The following GFAP variants were observed in gnomAD, a reference collection of about 807,000 sequenced individuals.
The protein encoded by GFAP is glial fibrillary acidic protein.
A neutral mutation model predicts 49.3 loss-of-function variants in GFAP; 38 were observed. The ratio of observed to expected loss-of-function variants is 0.77; its 90% CI spans 0.60 to 1.01. GFAP has a LOEUF of 1.01. Ranked by LOEUF, GFAP falls within the 50% of genes least tolerant of loss-of-function variation. The pLI is 0.00. For synonymous variants in GFAP, 222 were observed against 236.4 expected (o/e 0.94, Z 0.56); for missense variants, 463 against 579.1 (o/e 0.80, Z 2.06).
rs1354262031 is a variant in GFAP, at chr17:44,903,645, G to A, written c.*3702C>T. ...GTCTGGAATGTTAGAAGGGCATCTT[G>A]TACATCCACTGGGAATAAATTGCCT... On this transcript the variant is annotated 3_prime_UTR_variant, in exon 9 of 9. Transcript: ENST00000588735. 3 of 1,432,944 alleles carry A rather than the reference G, an allele frequency of 2.1e-6. No homozygotes were observed. Among genetic ancestry groups the A allele is most frequent in the East Asian group, 2.5e-5 (1 of 39,916 alleles). 88.8% of individuals were successfully genotyped at this position (1,432,944 alleles called of 1,614,324 possible).
rs773808836 is a variant in GFAP, at chr17:44,911,342, C to A, written c.1021G>T (p.Glu341Ter). 1.2e-6 allele frequency: 2 copies of A among 1,614,188 alleles called. No individual in the cohort carries two copies. The highest frequency in any genetic ancestry group is 2.2e-5 in the East Asian group (1 of 44,886). Residue 341 changes from glutamate (E) to a stop codon, truncating the protein, a stop_gained, in exon 6 of 9, where the codon GAG (glutamate) becomes TAG (stop). Coordinates refer to ENST00000588735, the MANE Select transcript of GFAP (RefSeq NM_002055.5). LOFTEE classifies it high-confidence loss of function. ...TACTCCTGCAAGTGGCGGGCCATCT[C>A]GTCCTTGAGGCTCTGCCCCTCTTCC... Reference protein sequence around the residue: ...LEEEGQSLKDEMARHLQEYQD... With the variant: ...LEEEGQSLKD
Position 44,913,810 on chromosome 17 carries a change from G to T in GFAP, c.536C>A (p.Ala179Asp), listed in dbSNP as rs763977401. The T allele has an allele frequency of 2.5e-6, 4 of 1,613,760 alleles. No homozygotes were observed. Among genetic ancestry groups the T allele is most frequent in the Non-Finnish European group, 1.7e-6 (2 of 1,179,740 alleles). The change falls in exon 3 of 9, where the codon GCC becomes GAC. Residue 179 changes from alanine (A) to aspartate (D), a missense_variant. This residue lies in a region of GFAP where 362 missense variants were observed against 445.5 expected (regional missense o/e 0.81). Coordinates refer to ENST00000588735, the MANE Select transcript of GFAP (RefSeq NM_002055.5). ...LAAYRQEADE[A>D]TLARLDLERK... ...CTCCAGATCCAGACGGGCCAGGGTG[G>T]CTTCATCTGCTTCCTGGAGTGGCAG...
rs774991537 is a variant in GFAP, at chr17:44,910,695, C to T, written c.1128-37G>A. 4.5e-6 allele frequency: 7 copies of T among 1,571,602 alleles called. No homozygotes were observed. In the South Asian group the frequency reaches 8.2e-5, roughly 18 times the overall value. On this transcript the variant is annotated intron_variant, in intron 6 of 8. Coordinates refer to ENST00000588735, the MANE Select transcript of GFAP (RefSeq NM_002055.5). ...CAGAGGGAGAGGGCTGCCCGGGCTG[C>T]CTGGGACACCCCTAGGCTGGGTCTT... is the stretch of plus-strand genomic sequence containing the variant.
chr17:44,915,180 G>C lies in GFAP; in HGVS notation c.307C>G (p.Gln103Glu), dbSNP rs2051880663. The change falls in exon 1 of 9, where the codon CAG becomes GAG. Residue 103 changes from glutamine to glutamate, a missense_variant. Around this residue, in one of 3 missense-constraint regions of GFAP, gnomAD observed 362 missense variants for 445.5 expected, o/e 0.81. Coordinates refer to ENST00000588735, the MANE Select transcript of GFAP (RefSeq NM_002055.5). This position sits in a 1 kb window ranked among gnomAD's most constrained non-coding sequence, Gnocchi z 4.1. ...QNKALAAELN[Q>E]LRAKEPTKLA... Reference sequence around the variant, plus strand: ...TTGGTGGGCTCCTTGGCCCGCAGCTGGTTCAGCTCAGCAGCCAGCGCCTTG... The same window carrying C: ...TTGGTGGGCTCCTTGGCCCGCAGCTCGTTCAGCTCAGCAGCCAGCGCCTTG... 2 of 1,614,214 alleles carry C rather than the reference G, an allele frequency of 1.2e-6. No homozygotes were observed. Among genetic ancestry groups the C allele is most frequent in the African/African-American group, 2.7e-5 (2 of 75,068 alleles).
At chr17:44,912,125 T>G (rs1343300913) in intron 4 of GFAP, among the ~76,000 whole-genome samples, 6 of 151,938 alleles carry the variant, frequency 3.9e-5, no homozygotes, top group Non-Finnish European at 7.4e-5. Flanking sequence ...TTTTTTTGTT[T>G]TTTTTGTTTT....
intron 1 of GFAP, 120 bp downstream of exon 1, chr17:44,914,906 G>C (rs1196079496): frequency 1.5e-5 from 12 of 819,556 alleles, no homozygotes; most frequent in Non-Finnish European, 2.2e-5. Context: ...GCCCCATCAA[G>C]AGGTAGGGAG....
rs1472445960 is a variant in GFAP, at chr17:44,914,091, G to A, written c.462-3C>T. On this transcript the variant is annotated splice_region_variant and splice_polypyrimidine_tract_variant and intron_variant, in intron 1 of 8. Transcript: ENST00000588735. ...TCAGGTTGGTTTCATCCTGGAGCCT[G>A]GAGTGGGGGGACACATTCCTGGGTC... 3 of 1,550,724 alleles carry A rather than the reference G, an allele frequency of 1.9e-6. No individual in the cohort carries two copies. The African/African-American group carries it at 4.1e-5, about 21-fold the overall frequency.
At chr17:44,910,048 A>G in intron 7 of GFAP, 1 of 1,605,218 alleles carries the variant, frequency 6.2e-7, no homozygotes, top group Non-Finnish European at 8.5e-7. Flanking sequence ...GCCTGGGAAG[A>G]GGGAACTCAG....
chr17:44,913,753 C>G lies in GFAP; in HGVS notation c.593G>C (p.Arg198Pro). 1 of 1,614,034 alleles carries G rather than the reference C, an allele frequency of 6.2e-7. No homozygotes were observed. ...RKIESLEEEIRFLRKIHEEEV... is the reference protein window; with the variant it reads ...RKIESLEEEIPFLRKIHEEEV... ...CTCCTCGTGGATCTTCCTCAAGAACCGGATCTCCTCCTCCAGCGACTCAAT... is the reference window on the plus strand; with the variant it reads ...CTCCTCGTGGATCTTCCTCAAGAACGGGATCTCCTCCTCCAGCGACTCAAT... The change falls in exon 3 of 9, where the codon CGG becomes CCG. Residue 198 changes from arginine to proline, a missense_variant. Arg to Pro is a moderately radical substitution (Grantham distance 103). Around this residue, in one of 3 missense-constraint regions of GFAP, gnomAD observed 362 missense variants for 445.5 expected, o/e 0.81. Transcript: ENST00000588735.
At chr17:44,912,125 T>TG (rs1567775042) in intron 4 of GFAP, among the ~76,000 whole-genome samples, 1 of 151,940 alleles carries the variant, frequency 6.6e-6, no homozygotes, top group African/African-American at 2.4e-5. Flanking sequence ...TTTTTTTGTT[T>TG]TTTTTGTTTT....
chr17:44,914,748 A>G lies in GFAP; in HGVS notation c.461+278T>C, dbSNP rs1023019054. 5 of 510,150 alleles carry G rather than the reference A, an allele frequency of 9.8e-6. No homozygotes were observed. In the East Asian group the frequency reaches 1.8e-4, roughly 18 times the overall value. 31.6% of individuals were successfully genotyped at this position (510,150 alleles called of 1,614,324 possible). A position where few individuals can be genotyped will look rare whatever the true frequency, so the allele number is the denominator to read the frequency against. ...CAAAGCCCAGCCATGAATGAAACAC[A>G]GGGGCCCCGCTGCTCCTGCACTGCT... On this transcript the variant is annotated intron_variant, in intron 1 of 8. Coordinates refer to ENST00000588735, the MANE Select transcript of GFAP (RefSeq NM_002055.5).
rs2145620005 is a variant in GFAP at position 44,904,605 on chromosome 17, ATG to A, written c.*2740_*2741del. On this transcript the variant is annotated 3_prime_UTR_variant, in exon 9 of 9. Coordinates refer to ENST00000588735, the MANE Select transcript of GFAP (RefSeq NM_002055.5). ...GAGGGCGTGCTGGCCATCATTAACT[ATG>A]TGTCCAAAGTGGGCAGCCGGCCCTG... 5 of 1,550,446 alleles carry A rather than the reference ATG, an allele frequency of 3.2e-6. No homozygotes were observed. Among genetic ancestry groups the A allele is most frequent in the Non-Finnish European group, 4.4e-6 (5 of 1,146,888 alleles).
At position 44,911,677 on chromosome 17, in the gene GFAP, C is replaced by T; in HGVS notation, c.901G>A (p.Gly301Ser). ...SLTCDLESLR[G>S]TNESLERQMR... ...CCTGCCCTGGCCGCGCTCACCGTGC[C>T]GCGCAGAGACTCCAGGTCGCAGGTC... Residue 301 changes from glycine to serine, a missense_variant, in exon 5 of 9, where the codon GGC (glycine) becomes AGC (serine). This residue lies in a region of GFAP where 362 missense variants were observed against 445.5 expected (regional missense o/e 0.81). Coordinates refer to ENST00000588735, the MANE Select transcript of GFAP (RefSeq NM_002055.5). 1.2e-6 allele frequency: 2 copies of T among 1,612,938 alleles called. No individual in the cohort carries two copies. The highest frequency in any genetic ancestry group is 1.7e-6 in the Non-Finnish European group (2 of 1,179,912).
intron 7 of GFAP, chr17:44,908,465 C>T: frequency 4.0e-6 from 1 of 248,522 alleles, no homozygotes. Context: ...TGCGGTGGCT[C>T]ACACCTATAA....
Position 44,910,599 on chromosome 17 carries a change from G to A in GFAP, c.1171+16C>T, listed in dbSNP as rs1238734881. On this transcript the variant is annotated intron_variant, in intron 7 of 8. Coordinates refer to ENST00000588735, the MANE Select transcript of GFAP (RefSeq NM_002055.5). The stretch of plus-strand genomic sequence containing the variant: ...AGGACTCCAGTGCCCTTCCCACGAG[G>A]CCCTGCTGTACTGACCTCGAATCTG... The A allele has an allele frequency of 2.5e-6, 4 of 1,569,652 alleles. No individual in the cohort carries two copies. The highest frequency in any genetic ancestry group is 1.7e-4 in the Middle Eastern group (1 of 5,996).
intron 7 of GFAP, chr17:44,909,742 CTG>C (rs1422531199): frequency 2.0e-6 from 2 of 1,022,992 alleles, no homozygotes; most frequent in East Asian, 8.9e-5. Context: ...GAAGAATCCT[CTG>C]AACTGAGTCA....
rs550873688 is a variant in GFAP at position 44,911,489 on chromosome 17, C to G, written c.907-33G>C. ...ATGGAGCCGGCCGGTCCCGCGGAGC[C>G]CCGACCCGACTTGGGGAGGTTTCGA... On this transcript the variant is annotated intron_variant, in intron 5 of 8. Transcript: ENST00000588735. 2.6e-5 allele frequency: 41 copies of G among 1,575,824 alleles called. 1 individual carries two copies. The East Asian group carries it at 4.7e-4, about 18-fold the overall frequency.
Position 44,915,023 on chromosome 17 carries a change from C to T in GFAP, c.461+3G>A. ...AGGCCCCCCTTCCCCATCCCCTCCT[C>T]ACTTCTGCCTCACAGTGGCCAGGTC... On this transcript the variant is annotated splice_donor_region_variant and intron_variant, in intron 1 of 8. Coordinates refer to ENST00000588735, the MANE Select transcript of GFAP (RefSeq NM_002055.5). The surrounding 1 kb of genome is among the most constrained non-coding windows in gnomAD (Gnocchi z 4.1). 1.2e-5 allele frequency: 19 copies of T among 1,609,012 alleles called. No individual in the cohort carries two copies. The highest frequency in any genetic ancestry group is 1.6e-5 in the Non-Finnish European group (19 of 1,179,064).
At position 44,906,359 on chromosome 17, in the gene GFAP, GCCT is replaced by G. The variant is rs2051652291; in HGVS notation, c.*985_*987del. 6.6e-6 allele frequency: 1 copy of G among 152,556 alleles called. No homozygotes were observed. Among genetic ancestry groups the G allele is most frequent in the East Asian group, 1.9e-4 (1 of 5,190 alleles). 9.5% of individuals were successfully genotyped at this position (152,556 alleles called of 1,614,324 possible). A position where few individuals can be genotyped will look rare whatever the true frequency, so the allele number is the denominator to read the frequency against. On this transcript the variant is annotated 3_prime_UTR_variant, in exon 9 of 9. Transcript: ENST00000588735. ...TTGTATGCCTAGCGCCATCCCAATT[GCCT>G]CCTCCTCCATCTCTACCAGCGTCCC...
Sources: allele counts gnomAD v4.1 joint callset (sites outside exome capture counted in the v4.1 genomes callset), GRCh38; gene constraint gnomAD v4.1.1; regional missense constraint gnomAD v4.1.1; non-coding constraint Gnocchi (gnomAD v3.1); transcripts MANE v1.5; gene names NCBI Gene and HGNC (gene_info 2026-07-23, HGNC 2026-07-21).